The following STAT1 variants were observed in gnomAD, a reference collection of about 807,000 sequenced individuals.
STAT1 encodes the protein signal transducer and activator of transcription 1.
STAT1 carries 24 observed loss-of-function variants against 111.7 expected under a neutral mutation model. The ratio of observed to expected loss-of-function variants is 0.21; its 90% CI spans 0.16 to 0.30. The LOEUF (loss-of-function observed/expected upper bound fraction) is 0.30. Among genes scored for constraint, STAT1 ranks in the 10% least tolerant of loss-of-function variants. STAT1 has a pLI of 1.00. For synonymous variants in STAT1, 332 were observed against 326.5 expected, an observed-to-expected ratio of 1.02 and a Z score of -0.18; for missense variants, 351 against 911.9, an observed-to-expected ratio of 0.38 and a Z score of 7.92.
chr2:191,014,167 G>C lies in STAT1; in HGVS notation c.-305C>G, dbSNP rs1695367707. On this transcript the variant is annotated 5_prime_UTR_variant, in exon 1 of 25. Coordinates refer to ENST00000361099, the MANE Select transcript of STAT1 (RefSeq NM_007315.4). ...CTCCGCAGACTCTGCGCAGGAAAGC[G>C]AAACTACCCGGCAGGAGAAAAGGCA... 6.5e-6 allele frequency: 1 copy of C among 153,036 alleles called. No homozygotes were observed. The highest frequency in any genetic ancestry group is 1.5e-5 in the Non-Finnish European group (1 of 68,634). 9.5% of individuals were successfully genotyped at this position (153,036 alleles called of 1,614,324 possible). A position where few individuals can be genotyped will look rare whatever the true frequency, so the allele number is the denominator to read the frequency against.
In STAT1 at chr2:190,986,708, C is replaced by T. The variant is rs964154752; in HGVS notation, c.1221+146G>A. ...AGGAGAAACCAAAATGCCCCAAGTACTGGCGACAGGAAGACACCAGCCACA... is the reference window on the plus strand; with the variant it reads ...AGGAGAAACCAAAATGCCCCAAGTATTGGCGACAGGAAGACACCAGCCACA... On this transcript the variant is annotated intron_variant, in intron 14 of 24. Transcript: ENST00000361099. This position sits in a 1 kb window ranked among gnomAD's most constrained non-coding sequence, Gnocchi z 5.0. 3.8e-6 allele frequency: 3 copies of T among 782,796 alleles called. No individual in the cohort carries two copies. The Admixed American group carries it at 5.9e-5, about 15-fold the overall frequency. The allele number at this position is 782,796 out of a possible 1,614,324, so 48.5% of individuals were successfully genotyped here. A position where few individuals can be genotyped will look rare whatever the true frequency, so the allele number is the denominator to read the frequency against.
rs902102771 is a variant in STAT1, at chr2:190,996,591, G to C, written c.785+1265C>G. 5.3e-5 allele frequency among the ~76,000 whole-genome samples: 8 copies of C among 152,194 alleles called. 1 individual carries two copies. Among genetic ancestry groups the C allele is most frequent in the African/African-American group, 1.9e-4 (8 of 41,448 alleles). ...CTCCCTGGCCACCTGAAGGGCTTTA[G>C]GGTTGTATGTATCCCTCAAGGCACA... is the stretch of plus-strand genomic sequence containing the variant. On this transcript the variant is annotated intron_variant, in intron 9 of 24. Coordinates refer to ENST00000361099, the MANE Select transcript of STAT1 (RefSeq NM_007315.4). The surrounding 1 kb of genome is among the most constrained non-coding windows in gnomAD (Gnocchi z 4.5).
chr2:190,983,684 C>T lies in STAT1; in HGVS notation c.1404G>A (p.Trp468Ter). 1 of 1,614,132 alleles carries T rather than the reference C, an allele frequency of 6.2e-7. No homozygotes were observed. The highest frequency in any genetic ancestry group is 8.5e-7 in the Non-Finnish European group (1 of 1,180,030). Reference protein sequence around the residue: ...ISNVSQLPSGWASILWYNMLV... With the variant: ...ISNVSQLPSG ...GCATGTTGTACCAAAGGATGGAGGC[C>T]CAACCGCTCGGGAGCTGGCTGACGT... The change falls in exon 17 of 25, where the codon TGG becomes TGA. Residue 468 changes from tryptophan (W) to a stop codon, truncating the protein, a stop_gained. Transcript: ENST00000361099. LOFTEE classifies it high-confidence loss of function. This position sits in a 1 kb window ranked among gnomAD's most constrained non-coding sequence, Gnocchi z 5.7.
rs1440986073 is a variant in STAT1 at position 190,975,932 on chromosome 2, C to T, written c.2060-45G>A. The T allele has an allele frequency of 1.3e-6, 2 of 1,516,310 alleles. No individual in the cohort carries two copies. The highest frequency in any genetic ancestry group is 2.7e-5 in the African/African-American group (2 of 72,924). The allele number at this position is 1,516,310 out of a possible 1,614,324, so 93.9% of individuals were successfully genotyped here. The stretch of plus-strand genomic sequence containing the variant: ...GTACGCTTTCCATCAACCGAAATTC[C>T]ATCAGAATACAACATCAACTTTTCG... On this transcript the variant is annotated intron_variant, in intron 22 of 24. Coordinates refer to ENST00000361099, the MANE Select transcript of STAT1 (RefSeq NM_007315.4). The surrounding 1 kb of genome is among the most constrained non-coding windows in gnomAD (Gnocchi z 5.9).
Position 190,970,597 on chromosome 2 carries a change from T to C in STAT1, c.*106A>G. ...AGGTTGCAGCGAATTTGCTGGCCTT[T>C]CTTTCATTTCCCTAGAAACACAGGA... On this transcript the variant is annotated 3_prime_UTR_variant, in exon 25 of 25. Transcript: ENST00000361099. This position sits in a 1 kb window ranked among gnomAD's most constrained non-coding sequence, Gnocchi z 5.4. 1 of 1,355,204 alleles carries C rather than the reference T, an allele frequency of 7.4e-7. No homozygotes were observed. Among genetic ancestry groups the C allele is most frequent in the Non-Finnish European group, 1.1e-6 (1 of 949,142 alleles). 83.9% of individuals were successfully genotyped at this position (1,355,204 alleles called of 1,614,324 possible).
At position 190,998,397 on chromosome 2, in the gene STAT1, C is replaced by T; in HGVS notation, c.542-89G>A. On this transcript the variant is annotated intron_variant, in intron 7 of 24. Transcript: ENST00000361099. This position sits in a 1 kb window ranked among gnomAD's most constrained non-coding sequence, Gnocchi z 4.1. ...ATATAAATTTAGGATAAATATGACACAAATGCTGCCTAGTGACAGGTCAAA... is the reference window on the plus strand; with the variant it reads ...ATATAAATTTAGGATAAATATGACATAAATGCTGCCTAGTGACAGGTCAAA... 9.4e-7 allele frequency: 1 copy of T among 1,068,302 alleles called. No individual in the cohort carries two copies. The highest frequency in any genetic ancestry group is 1.4e-6 in the Non-Finnish European group (1 of 694,058). 66.2% of individuals were successfully genotyped at this position (1,068,302 alleles called of 1,614,324 possible).
In STAT1 at chr2:190,982,420, A is replaced by T. The variant is rs1255172781; in HGVS notation, c.1545T>A (p.Asn515Lys). ...QFSSVTKRGLNVDQLNMLGEK... is the reference protein window; with the variant it reads ...QFSSVTKRGLKVDQLNMLGEK... The stretch of plus-strand genomic sequence containing the variant: ...CTCCCAACATGTTCAGCTGGTCCAC[A>T]TTGAGACCTCTTTTGGTGACAGAAG... The change falls in exon 18 of 25, where the codon AAT becomes AAA. Residue 515 changes from asparagine to lysine, a missense_variant. Coordinates refer to ENST00000361099, the MANE Select transcript of STAT1 (RefSeq NM_007315.4). This position sits in a 1 kb window ranked among gnomAD's most constrained non-coding sequence, Gnocchi z 7.3. 1 of 1,614,120 alleles carries T rather than the reference A, an allele frequency of 6.2e-7. No homozygotes were observed. Among genetic ancestry groups the T allele is most frequent in the Non-Finnish European group, 8.5e-7 (1 of 1,180,038 alleles).
Position 190,990,604 on chromosome 2 carries a change from G to A in STAT1, c.1037+624C>T, listed in dbSNP as rs1693238329. ...AGAAATATGTCATATTTGTGTGTGT[G>A]TGTGTCTCTATATGAAATATTTGTG... is the stretch of plus-strand genomic sequence containing the variant. On this transcript the variant is annotated intron_variant, in intron 11 of 24. Coordinates refer to ENST00000361099, the MANE Select transcript of STAT1 (RefSeq NM_007315.4). The surrounding 1 kb of genome is among the most constrained non-coding windows in gnomAD (Gnocchi z 5.1). Among the ~76,000 whole-genome samples the A allele has an allele frequency of 6.6e-6, 1 of 152,226 alleles. No individual in the cohort carries two copies. The highest frequency in any genetic ancestry group is 1.5e-5 in the Non-Finnish European group (1 of 68,032).
Position 191,013,397 on chromosome 2 carries a change from C to G in STAT1, c.-2+128G>C, listed in dbSNP as rs1472699100. ...ACTATATTATTTTGGGGTGGGGGGT[C>G]TGCAAAAACTAAACATCACTTTTAA... is the stretch of plus-strand genomic sequence containing the variant. On this transcript the variant is annotated intron_variant, in intron 2 of 24. Coordinates refer to ENST00000361099, the MANE Select transcript of STAT1 (RefSeq NM_007315.4). 18 of 372,644 alleles carry G rather than the reference C, an allele frequency of 4.8e-5. No individual in the cohort carries two copies. In the Admixed American group the frequency reaches 8.2e-4, roughly 17 times the overall value. The allele number at this position is 372,644 out of a possible 1,614,324, so 23.1% of individuals were successfully genotyped here.
In STAT1 at chr2:190,980,616, TC is replaced by T; in HGVS notation, c.1632+3del. 6.2e-7 allele frequency: 1 copy of T among 1,614,178 alleles called. No homozygotes were observed. Among genetic ancestry groups the T allele is most frequent in the Non-Finnish European group, 8.5e-7 (1 of 1,180,010 alleles). Reference sequence around the variant, plus strand: ...AGAGAGCATAAAACCCAGACAGTCCTCACCTTACAAAACCTCGTCCACGGAA... The same window carrying T: ...AGAGAGCATAAAACCCAGACAGTCCTACCTTACAAAACCTCGTCCACGGAA... On this transcript the variant is annotated splice_donor_region_variant and intron_variant, in intron 19 of 24. Coordinates refer to ENST00000361099, the MANE Select transcript of STAT1 (RefSeq NM_007315.4). This position sits in a 1 kb window ranked among gnomAD's most constrained non-coding sequence, Gnocchi z 6.1.
Position 190,978,727 on chromosome 2 carries a change from A to G in STAT1, c.1873+129T>C, listed in dbSNP as rs1692104513. 2 of 1,232,504 alleles carry G rather than the reference A, an allele frequency of 1.6e-6. No individual in the cohort carries two copies. The highest frequency in any genetic ancestry group is 1.3e-5 in the South Asian group (1 of 77,052). The allele number at this position is 1,232,504 out of a possible 1,614,324, so 76.3% of individuals were successfully genotyped here. A position where few individuals can be genotyped will look rare whatever the true frequency, so the allele number is the denominator to read the frequency against. ...GTTTATTAAATCCTATCGGGGGCTCATTTGGGGTAAGTATAAGATCTGCAA... is the reference window on the plus strand; with the variant it reads ...GTTTATTAAATCCTATCGGGGGCTCGTTTGGGGTAAGTATAAGATCTGCAA... On this transcript the variant is annotated intron_variant, in intron 21 of 24. Transcript: ENST00000361099. The surrounding 1 kb of genome is among the most constrained non-coding windows in gnomAD (Gnocchi z 6.1).
rs780048833 is a variant in STAT1, at chr2:190,982,535, C to T, written c.1447-17G>A. 2.5e-6 allele frequency: 4 copies of T among 1,613,818 alleles called. No homozygotes were observed. In the African/African-American group the frequency reaches 5.3e-5, roughly 22 times the overall value. On this transcript the variant is annotated splice_polypyrimidine_tract_variant and intron_variant, in intron 17 of 24. Transcript: ENST00000361099. This position sits in a 1 kb window ranked among gnomAD's most constrained non-coding sequence, Gnocchi z 7.3. The stretch of plus-strand genomic sequence containing the variant: ...GGACAGATTCTAGAGAGAAAACACC[C>T]AAAATCTAAGGGTTACTACAGAGAC...
Position 190,973,754 on chromosome 2 carries a change from G to A in STAT1, c.2238+1076C>T, listed in dbSNP as rs776258398. Among the ~76,000 whole-genome samples, 1 of 152,098 alleles carries A rather than the reference G, an allele frequency of 6.6e-6. No individual in the cohort carries two copies. Among genetic ancestry groups the A allele is most frequent in the Admixed American group, 6.5e-5 (1 of 15,270 alleles). ...ACAATAGCTAACTGTTTTTCTAAAT[G>A]GCCTATTTCGTCAACAACAATCAGG... is the stretch of plus-strand genomic sequence containing the variant. On this transcript the variant is annotated intron_variant, in intron 24 of 24. Transcript: ENST00000361099. The surrounding 1 kb of genome is among the most constrained non-coding windows in gnomAD (Gnocchi z 4.4).
At position 190,993,694 on chromosome 2, in the gene STAT1, C is replaced by G. The variant is rs1001039849; in HGVS notation, c.944+1367G>C. ...TGTTCTGGGAGAGTAAATGTCTTCC[C>G]CGACTCTGCCCCCTGGAACGCAATC... On this transcript the variant is annotated intron_variant, in intron 10 of 24. Transcript: ENST00000361099. This position sits in a 1 kb window ranked among gnomAD's most constrained non-coding sequence, Gnocchi z 4.1. The G allele has an allele frequency of 9.7e-6, 4 of 414,212 alleles. No homozygotes were observed. Among genetic ancestry groups the G allele is most frequent in the African/African-American group, 2.0e-5 (1 of 48,926 alleles). 25.7% of individuals were successfully genotyped at this position (414,212 alleles called of 1,614,324 possible).
Position 190,980,724 on chromosome 2 carries a change from G to A in STAT1, c.1583-55C>T. ...AAACAGAAACTGATTCTAAAGCTTT[G>A]GTTGGACGGATGGCTCTTGTATTTG... On this transcript the variant is annotated intron_variant, in intron 18 of 24. Transcript: ENST00000361099. The surrounding 1 kb of genome is among the most constrained non-coding windows in gnomAD (Gnocchi z 6.1). The A allele has an allele frequency of 6.4e-7, 1 of 1,558,894 alleles. No individual in the cohort carries two copies. Among genetic ancestry groups the A allele is most frequent in the Non-Finnish European group, 8.8e-7 (1 of 1,130,352 alleles).
intron 12 of STAT1, among the ~76,000 whole-genome samples, chr2:190,988,241 G>C (rs1189369812): frequency 6.6e-6 from 1 of 152,164 alleles, no homozygotes; most frequent in African/African-American, 2.4e-5. Context: ...AGAAGGACCT[G>C]GTTATCCCAG....
chr2:190,983,537 A>G lies in STAT1; in HGVS notation c.1446+105T>C, dbSNP rs1692550628. On this transcript the variant is annotated intron_variant, in intron 17 of 24. Coordinates refer to ENST00000361099, the MANE Select transcript of STAT1 (RefSeq NM_007315.4). The surrounding 1 kb of genome is among the most constrained non-coding windows in gnomAD (Gnocchi z 5.7). ...TTAGAAATACCACAGGAGCTTTGTC[A>G]CTTCTCCCTTAACAACTGGCCATTG... 1 of 975,808 alleles carries G rather than the reference A, an allele frequency of 1.0e-6. No homozygotes were observed. Among genetic ancestry groups the G allele is most frequent in the Admixed American group, 1.7e-5 (1 of 59,096 alleles). 60.4% of individuals were successfully genotyped at this position (975,808 alleles called of 1,614,324 possible).
chr2:190,975,441 TA>T lies in STAT1; in HGVS notation c.2135+370del. The T allele has an allele frequency of 1.2e-6, 1 of 858,064 alleles. No homozygotes were observed. The highest frequency in any genetic ancestry group is 1.7e-6 in the Non-Finnish European group (1 of 575,554). 53.2% of individuals were successfully genotyped at this position (858,064 alleles called of 1,614,324 possible). ...TTTCCAAAATTTTTTCTACCTTTTA[TA>T]AAATGAAACAACAAAATCAAAGCAA... On this transcript the variant is annotated intron_variant, in intron 23 of 24. Coordinates refer to ENST00000361099, the MANE Select transcript of STAT1 (RefSeq NM_007315.4). The surrounding 1 kb of genome is among the most constrained non-coding windows in gnomAD (Gnocchi z 5.9).
rs943772751 is a variant in STAT1 at position 190,987,927 on chromosome 2, C to T, written c.1098-859G>A. Among the ~76,000 whole-genome samples, 2 of 152,158 alleles carry T rather than the reference C, an allele frequency of 1.3e-5. No individual in the cohort carries two copies. The highest frequency in any genetic ancestry group is 4.1e-4 in the South Asian group (2 of 4,826). ...TATGATAAAAGCTGACTTGTCAAAG[C>T]TAAGAAGACCGTCAGAGCTGGAACC... On this transcript the variant is annotated intron_variant, in intron 12 of 24. Coordinates refer to ENST00000361099, the MANE Select transcript of STAT1 (RefSeq NM_007315.4). This position sits in a 1 kb window ranked among gnomAD's most constrained non-coding sequence, Gnocchi z 4.0.
Sources: allele counts gnomAD v4.1 joint callset (sites outside exome capture counted in the v4.1 genomes callset), GRCh38; gene constraint gnomAD v4.1.1; non-coding constraint Gnocchi (gnomAD v3.1); transcripts MANE v1.5; gene names NCBI Gene and HGNC (gene_info 2026-07-23, HGNC 2026-07-21).